ANKS1B: variants seen among roughly 807,000 people sequenced by gnomAD.
ANKS1B encodes the protein ankyrin repeat and sterile alpha motif domain containing 1B.
ANKS1B carries 36 observed loss-of-function variants against 148.3 expected under a neutral mutation model. That is an observed-to-expected ratio of 0.24 (90% CI 0.19 to 0.32). ANKS1B has a LOEUF of 0.32. ANKS1B is among the 10% of genes least tolerant of loss of function. The pLI, the probability that ANKS1B is intolerant of heterozygous loss-of-function variation, is 1.00. For synonymous variants in ANKS1B, 542 were observed against 560.8 expected, an observed-to-expected ratio of 0.97 and a Z score of 0.47; for missense variants, 1,157 against 1,542.6, an observed-to-expected ratio of 0.75 and a Z score of 4.19.
intron 11 of ANKS1B, among the ~76,000 whole-genome samples, chr12:99,403,147 T>G (rs2152613748): frequency 7.4e-6 from 1 of 134,370 alleles, no homozygotes; most frequent in South Asian, 2.2e-4. Flanking sequence ...TGTTCACTTT[T>G]CTTTCTTTTT....
At chr12:99,239,585 C>G (rs1348545852) in intron 14 of ANKS1B, among the ~76,000 whole-genome samples, 1 of 152,058 alleles carries the variant, frequency 6.6e-6, no homozygotes, top group Non-Finnish European at 1.5e-5. Flanking sequence ...AGATACTCCT[C>G]AAGAAGAGCA....
At chr12:99,793,710 T>C (rs1253830699) in intron 4 of ANKS1B, among the ~76,000 whole-genome samples, 1 of 152,094 alleles carries the variant, frequency 6.6e-6, no homozygotes, top group Non-Finnish European at 1.5e-5. Flanking sequence ...CTTCAAACTC[T>C]GAAACTGCTA....
At chr12:99,741,206 A>AACACACACACACAC (rs774613671) in intron 8 of ANKS1B, among the ~76,000 whole-genome samples, 6,715 of 135,274 alleles carry the variant, frequency 0.05, 254 homozygotes, top group Non-Finnish European at 0.058. Flanking sequence ...GGCTCCGTCA[A>AACACACACACACAC]ACACACACAC....
intron 14 of ANKS1B, chr12:99,154,720 G>A (rs996084065): frequency 3.5e-6 from 5 of 1,438,350 alleles, no homozygotes; most frequent in Admixed American, 5.7e-5. Context: ...AGCTTGGGCT[G>A]GTCTGCGTTC....
intron 17 of ANKS1B, among the ~76,000 whole-genome samples, chr12:98,973,818 ATATC>A (rs1236742641): frequency 3.9e-5 from 6 of 152,262 alleles, no homozygotes; most frequent in Admixed American, 3.3e-4. Context: ...TTTATTATAG[ATATC>A]TATCTATATC....
chr12:99,016,893 T>C (rs1374088506), intron 17 of ANKS1B, among the ~76,000 whole-genome samples: 2 of 152,166 alleles, frequency 1.3e-5, no homozygotes, highest in Non-Finnish European at 2.9e-5. Context: ...GACTTGGCTG[T>C]AGGGTTGCAG....
intron 12 of ANKS1B, among the ~76,000 whole-genome samples, chr12:99,291,548 T>C (rs969654393): frequency 6.6e-6 from 1 of 152,120 alleles, no homozygotes; most frequent in South Asian, 2.1e-4. Context: ...AACAGGCACA[T>C]AGACCAATGG....
chr12:99,835,357 A>C (rs554795336), intron 1 of ANKS1B, among the ~76,000 whole-genome samples: 43 of 151,986 alleles, frequency 2.8e-4, no homozygotes, highest in Non-Finnish European at 5.1e-4. Context: ...TGAGCCTAGG[A>C]GGTGGAGGTT....
At chr12:98,918,248 G>A (rs908296562) in intron 17 of ANKS1B, among the ~76,000 whole-genome samples, 5 of 152,216 alleles carry the variant, frequency 3.3e-5, no homozygotes, top group Non-Finnish European at 5.9e-5. Context: ...GTTTACACTT[G>A]GAAGCAGAAA....
intron 12 of ANKS1B, among the ~76,000 whole-genome samples, chr12:99,262,415 A>G (rs992343144): frequency 2.0e-4 from 30 of 152,084 alleles, no homozygotes; most frequent in Non-Finnish European, 8.8e-5. Context: ...ATGTGAAGAA[A>G]AATTCAAGAG....
intron 15 of ANKS1B, among the ~76,000 whole-genome samples, chr12:99,087,496 T>C (rs1199066686): frequency 6.6e-6 from 1 of 152,182 alleles, no homozygotes; most frequent in Non-Finnish European, 1.5e-5. Flanking sequence ...ACAGGAAATA[T>C]TGCTCTCAAG....
At chr12:99,483,050 G>T (rs966621775) in intron 10 of ANKS1B, among the ~76,000 whole-genome samples, 1 of 150,948 alleles carries the variant, frequency 6.6e-6, no homozygotes, top group Non-Finnish European at 1.5e-5. Context: ...AGGTATGGTG[G>T]AAGTAGGCAA....
intron 1 of ANKS1B, among the ~76,000 whole-genome samples, chr12:99,898,890 T>C (rs1430302245): frequency 6.6e-6 from 1 of 152,180 alleles, no homozygotes; most frequent in African/African-American, 2.4e-5. Flanking sequence ...TATTTAGGCT[T>C]TCACTACATA....
chr12:98,737,276 C>T (rs1382002417), intron 9 of ANKS1B, among the ~76,000 whole-genome samples: 2 of 152,194 alleles, frequency 1.3e-5, no homozygotes, highest in Non-Finnish European at 2.9e-5. Context: ...AAACCCTGGA[C>T]CTGCTCCAAG....
intron 4 of ANKS1B, among the ~76,000 whole-genome samples, chr12:99,791,408 G>A (rs1209035732): frequency 1.3e-5 from 2 of 151,612 alleles, no homozygotes; most frequent in Non-Finnish European, 3.0e-5. Context: ...GTCTTAATCT[G>A]CACTTTAGAA....
In ANKS1B at chr12:99,014,778, C is replaced by T. The variant is rs573294398; in HGVS notation, c.2778+38379G>A. On this transcript the variant is annotated intron_variant, in intron 17 of 26. Coordinates refer to ENST00000683438, the MANE Select transcript of ANKS1B (RefSeq NM_001352186.2). Reference sequence around the variant, plus strand: ...CAACAATCACATGAAAAAAGCTCAACATCACTGATCATTAAAGAAATTCAA... The same window carrying T: ...CAACAATCACATGAAAAAAGCTCAATATCACTGATCATTAAAGAAATTCAA... Among the ~76,000 whole-genome samples the T allele has an allele frequency of 1.2e-4, 18 of 152,294 alleles. No homozygotes were observed. The South Asian group carries it at 3.3e-3, about 28-fold the overall frequency.
At chr12:98,893,345 T>A (rs2099756663) in intron 17 of ANKS1B, among the ~76,000 whole-genome samples, 1 of 152,146 alleles carries the variant, frequency 6.6e-6, no homozygotes, top group South Asian at 2.1e-4. Flanking sequence ...ATAACCCAGA[T>A]ACCAGCGGCA....
At chr12:99,460,955 T>C (rs2152854942) in intron 10 of ANKS1B, among the ~76,000 whole-genome samples, 1 of 152,122 alleles carries the variant, frequency 6.6e-6, no homozygotes, top group South Asian at 2.1e-4. Context: ...CACATGTTTA[T>C]AGCAGCACAA....
At chr12:98,754,379 C>A (rs1367516927) in intron 25 of ANKS1B, among the ~76,000 whole-genome samples, 1 of 152,204 alleles carries the variant, frequency 6.6e-6, no homozygotes, top group African/African-American at 2.4e-5. Flanking sequence ...AGCTTTGCCT[C>A]TTAGTGTTTG....
Sources: gnomAD v4.1 joint callset for allele counts (sites outside exome capture counted in the v4.1 genomes callset) on GRCh38, gnomAD v4.1.1 for gene constraint, MANE v1.5 for transcripts, NCBI Gene and HGNC (gene_info 2026-07-23, HGNC 2026-07-21) for gene names.